The following EPG5 variants were observed in gnomAD, a reference collection of about 807,000 sequenced individuals.
EPG5 encodes the protein ectopic P-granules 5 autophagy tethering factor.
In EPG5, 159 loss-of-function variants were observed where a neutral mutation model predicts 302.7. That is an observed-to-expected ratio of 0.53 (90% confidence interval 0.46 to 0.60). The LOEUF (loss-of-function observed/expected upper bound fraction) is 0.60. Among genes scored for constraint, EPG5 ranks in the 20% least tolerant of loss-of-function variants. The pLI is 0.00. For synonymous variants in EPG5, 1,158 were observed against 1,136.8 expected, an observed-to-expected ratio of 1.02 and a Z score of -0.37; for missense variants, 2,896 against 3,092.4, an observed-to-expected ratio of 0.94 and a Z score of 1.51.
rs191187612 is a variant in EPG5 at position 45,868,476 on chromosome 18, T to C, written c.6226-728A>G. ...TCTCAGCCTCCTGAGTAGCTGGGATTACAGGTGCCTGCCACCATGCCCAGC... is the reference window on the plus strand; with the variant it reads ...TCTCAGCCTCCTGAGTAGCTGGGATCACAGGTGCCTGCCACCATGCCCAGC... On this transcript the variant is annotated intron_variant, in intron 36 of 43. Coordinates refer to ENST00000282041, the MANE Select transcript of EPG5 (RefSeq NM_020964.3). Among the ~76,000 whole-genome samples the C allele has an allele frequency of 2.8e-3, 421 of 152,066 alleles. 6 individuals are homozygous for C. Among genetic ancestry groups the C allele is most frequent in the African/African-American group, 9.8e-3 (406 of 41,510 alleles).
At chr18:45,906,259 C>T (rs1044352026) in intron 24 of EPG5, among the ~76,000 whole-genome samples, 2 of 152,150 alleles carry the variant, frequency 1.3e-5, no homozygotes, top group African/African-American at 2.4e-5. Flanking sequence ...TTTAATTCAT[C>T]CATTTGTTTA....
At chr18:45,863,036 C>A (rs2048669346) in intron 39 of EPG5, among the ~76,000 whole-genome samples, 1 of 152,058 alleles carries the variant, frequency 6.6e-6, no homozygotes, top group Non-Finnish European at 1.5e-5. Context: ...AACTTCGGGG[C>A]AGAAATACAC....
chr18:45,888,120 G>T (rs980514082), intron 28 of EPG5, among the ~76,000 whole-genome samples: 1 of 150,474 alleles, frequency 6.6e-6, no homozygotes. Flanking sequence ...TTTTTGGGGT[G>T]GGGGAGACAG....
At chr18:45,857,816 T>A (rs1412333144) in intron 42 of EPG5, 37 bp downstream of exon 42, 1 of 1,572,430 alleles carries the variant, frequency 6.4e-7, no homozygotes, top group Non-Finnish European at 8.7e-7. Flanking sequence ...GTCTGAGGCC[T>A]ATTTAGAACA....
Position 45,900,997 on chromosome 18 carries a change from T to C in EPG5, c.4645A>G (p.Arg1549Gly), listed in dbSNP as rs1450396643. The C allele has an allele frequency of 6.2e-7, 1 of 1,612,708 alleles. No homozygotes were observed. Among genetic ancestry groups the C allele is most frequent in the Non-Finnish European group, 8.5e-7 (1 of 1,178,916 alleles). Residue 1549 changes from arginine (R) to glycine (G), a missense_variant and splice_region_variant, in exon 26 of 44, where the codon AGA (arginine) becomes GGA (glycine). By Grantham distance (125) the Arg-to-Gly change is moderately radical. Coordinates refer to ENST00000282041, the MANE Select transcript of EPG5 (RefSeq NM_020964.3). The part of the protein sequence containing the change: ...TDLNLLQQQA[R>G]TAALRESQQV... Reference sequence around the variant, plus strand: ...ATCCGTGAGGCTGCATGGTCTTACCTGGCCTGCTGTTGCAACAGATTCAGG... The same window carrying C: ...ATCCGTGAGGCTGCATGGTCTTACCCGGCCTGCTGTTGCAACAGATTCAGG...
At chr18:45,949,699 A>G (rs1046104410) in intron 4 of EPG5, 108 bp from the exon 5 acceptor site, 12 of 631,830 alleles carry the variant, frequency 1.9e-5, no homozygotes, top group Non-Finnish European at 3.0e-5. Context: ...CAATCTTTCA[A>G]AAGAGTAACC....
rs1157636919 is a variant in EPG5, at chr18:45,908,027, A to G, written c.4260T>C (p.Asp1420=). The change falls in exon 24 of 44, where the codon GAT becomes GAC. Residue 1420 remains aspartate, a synonymous_variant. Transcript: ENST00000282041. ...WLEDENFQKG[D]TYIPSLPKHY... ...GCTTTGGTAGAGAAGGGATATAGGT[A>G]TCTCCTTTTTGAAAATTCTCATCTT... 2 of 1,596,678 alleles carry G rather than the reference A, an allele frequency of 1.3e-6. No homozygotes were observed. Among genetic ancestry groups the G allele is most frequent in the Non-Finnish European group, 1.7e-6 (2 of 1,172,724 alleles).
At chr18:45,812,753 T>C in the EPG5 span, among the ~76,000 whole-genome samples, 1 of 152,198 alleles carries the variant, frequency 6.6e-6, no homozygotes, top group Non-Finnish European at 1.5e-5. Flanking sequence ...CCTTACACCT[T>C]ATGCAAAAAT....
At chr18:45,869,935 A>C (rs535156530) in intron 36 of EPG5, among the ~76,000 whole-genome samples, 1 of 152,176 alleles carries the variant, frequency 6.6e-6, no homozygotes, top group South Asian at 2.1e-4. Flanking sequence ...AATTAAAAAA[A>C]AAAAAAAGAA....
intron 12 of EPG5, among the ~76,000 whole-genome samples, chr18:45,930,176 T>C (rs2050367708): frequency 6.6e-6 from 1 of 152,226 alleles, no homozygotes; most frequent in Non-Finnish European, 1.5e-5. Context: ...CCTCCCAGCC[T>C]GTAATTTCAT....
chr18:45,862,682 T>C (rs1350882025), intron 39 of EPG5, among the ~76,000 whole-genome samples: 1 of 152,238 alleles, frequency 6.6e-6, no homozygotes, highest in Non-Finnish European at 1.5e-5. Context: ...CTGCCGTGAT[T>C]GTAAGCTTCC....
intron 9 of EPG5, among the ~76,000 whole-genome samples, chr18:45,940,600 T>G (rs2050643454): frequency 6.6e-6 from 1 of 152,232 alleles, no homozygotes; most frequent in African/African-American, 2.4e-5. Flanking sequence ...GATGCATGTC[T>G]TTCACACTAG....
chr18:45,925,742 T>C lies in EPG5; in HGVS notation c.2714A>G (p.Lys905Arg). ...ILEGLNWGFA[K>R]QATLHLDQAV... ...GGGAATGGTTTGAACACATACCTGT[T>C]TAGCAAATCCCCAATTCAGTCCTTC... Residue 905 changes from lysine (K) to arginine (R), a missense_variant, in exon 14 of 44, where the codon AAA (lysine) becomes AGA (arginine). By Grantham distance (26) the Lys-to-Arg change is conservative. This residue lies in a region of EPG5 where 1,390 missense variants were observed against 1,430.0 expected (regional missense o/e 0.97). Coordinates refer to ENST00000282041, the MANE Select transcript of EPG5 (RefSeq NM_020964.3). 1 of 1,532,050 alleles carries C rather than the reference T, an allele frequency of 6.5e-7. No individual in the cohort carries two copies. The highest frequency in any genetic ancestry group is 8.7e-7 in the Non-Finnish European group (1 of 1,144,866). 94.9% of individuals were successfully genotyped at this position (1,532,050 alleles called of 1,614,324 possible).
chr18:45,948,312 G>A (rs1470240076), intron 6 of EPG5, among the ~76,000 whole-genome samples, 191 bp downstream of exon 6: 1 of 152,216 alleles, frequency 6.6e-6, no homozygotes, highest in Non-Finnish European at 1.5e-5. Flanking sequence ...AAAAATGGTT[G>A]CTTATATATA....
intron 11 of EPG5, among the ~76,000 whole-genome samples, chr18:45,932,158 A>T (rs1020212805): frequency 2.0e-5 from 3 of 152,146 alleles, no homozygotes; most frequent in Non-Finnish European, 4.4e-5. Context: ...AAGAATTATC[A>T]TTCAAACTTA....
chr18:45,966,292 C>T (rs1289761334), intron 1 of EPG5, among the ~76,000 whole-genome samples: 8 of 150,190 alleles, frequency 5.3e-5, no homozygotes, highest in Admixed American at 2.7e-4. Context: ...AGGAGAATGG[C>T]GTGAACCTGG....
chr18:45,842,436 TGTGTGTGA>T, the EPG5 span: 1 of 519,052 alleles, frequency 1.9e-6, no homozygotes, highest in Non-Finnish European at 3.4e-6. Context: ...TGTGTGTGTG[TGTGTGTGA>T]GAGAGAGAGA....
rs756050921 is a variant in EPG5, at chr18:45,915,732, C to T, written c.3583-111G>A. 8 of 848,820 alleles carry T rather than the reference C, an allele frequency of 9.4e-6. 1 individual carries two copies. Among genetic ancestry groups the T allele is most frequent in the East Asian group, 2.6e-5 (1 of 38,016 alleles). 52.6% of individuals were successfully genotyped at this position (848,820 alleles called of 1,614,324 possible). The stretch of plus-strand genomic sequence containing the variant: ...ACTACAATACAAGATTCTGATAAGA[C>T]AGAGATTTCAAGGATGAGTCCACCA... On this transcript the variant is annotated intron_variant, in intron 19 of 43. Transcript: ENST00000282041.
chr18:45,894,847 A>C (rs2049435490), intron 27 of EPG5, among the ~76,000 whole-genome samples: 1 of 152,202 alleles, frequency 6.6e-6, no homozygotes, highest in Non-Finnish European at 1.5e-5. Context: ...CAGATTATGA[A>C]GGGCGCTAAG....
Sources: gnomAD v4.1 joint callset for allele counts (sites outside exome capture counted in the v4.1 genomes callset) on GRCh38, gnomAD v4.1.1 for gene constraint, gnomAD v4.1.1 regional missense constraint, MANE v1.5 for transcripts, NCBI Gene and HGNC (gene_info 2026-07-23, HGNC 2026-07-21) for gene names.